The following STAU2 variants were observed in gnomAD, a reference collection of about 807,000 sequenced individuals.
STAU2 encodes the protein double-stranded RNA-binding protein Staufen homolog 2.
Under a neutral mutation model 65.9 loss-of-function variants are expected in STAU2, and 20 were observed. The ratio of observed to expected loss-of-function variants is 0.30; its 90% CI spans 0.21 to 0.44. The LOEUF is 0.44. STAU2 is among the 20% of genes least tolerant of loss of function. The pLI is 1.00. For synonymous variants in STAU2, 232 were observed against 233.9 expected, an observed-to-expected ratio of 0.99 and a Z score of 0.07; for missense variants, 558 against 683.9, an observed-to-expected ratio of 0.82 and a Z score of 2.05.
chr8:73,463,719 C>T (rs1313838586), intron 13 of STAU2, among the ~76,000 whole-genome samples: 1 of 152,174 alleles, frequency 6.6e-6, no homozygotes, highest in Non-Finnish European at 1.5e-5. Flanking sequence ...TCCTCTGTTC[C>T]TTGTTTATCT....
chr8:73,682,033 G>A (rs140853375), intron 5 of STAU2, among the ~76,000 whole-genome samples: 1,630 of 152,076 alleles, frequency 0.011, 29 homozygotes, highest in African/African-American at 0.037. Flanking sequence ...AATAGTGAGG[G>A]ACTTCAATAT....
At chr8:73,550,560 C>T (rs1027806235) in intron 13 of STAU2, 124 of 981,628 alleles carry the variant, frequency 1.3e-4, no homozygotes, top group Non-Finnish European at 1.4e-4. Flanking sequence ...CTTTTCATCA[C>T]AATTTATTTC....
In STAU2 at chr8:73,636,556, C is replaced by T. The variant is rs554362933; in HGVS notation, c.411-19105G>A. Reference sequence around the variant, plus strand: ...AAGCAGAAAACTACCCTGAAATGACCGAGATGTTAGAATTAGCAGCAAAGG... The same window carrying T: ...AAGCAGAAAACTACCCTGAAATGACTGAGATGTTAGAATTAGCAGCAAAGG... On this transcript the variant is annotated intron_variant, in intron 6 of 14. Transcript: ENST00000524300. 1.5e-3 allele frequency among the ~76,000 whole-genome samples: 235 copies of T among 151,926 alleles called. 1 individual carries two copies. Among genetic ancestry groups the T allele is most frequent in the African/African-American group, 3.8e-3 (156 of 41,444 alleles).
intron 13 of STAU2, among the ~76,000 whole-genome samples, chr8:73,429,984 C>A (rs956977480): frequency 6.6e-6 from 1 of 152,222 alleles, no homozygotes; most frequent in Non-Finnish European, 1.5e-5. Context: ...CGAGGCTTCG[C>A]TCAGCACTTC....
intron 13 of STAU2, among the ~76,000 whole-genome samples, chr8:73,522,499 T>G (rs1259497460): frequency 1.3e-5 from 2 of 152,176 alleles, no homozygotes; most frequent in African/African-American, 2.4e-5. Flanking sequence ...ACTGACAAGT[T>G]CAAAATTTCA....
intron 13 of STAU2, among the ~76,000 whole-genome samples, chr8:73,444,569 G>A (rs1818365857): frequency 6.6e-6 from 1 of 152,120 alleles, no homozygotes; most frequent in African/African-American, 2.4e-5. Context: ...TACTGCAAAT[G>A]GTACCATGAC....
intron 13 of STAU2, among the ~76,000 whole-genome samples, chr8:73,483,052 A>T (rs968161360): frequency 3.6e-4 from 7 of 19,700 alleles, no homozygotes; most frequent in African/African-American, 9.4e-4. Context: ...CCCCATACAC[A>T]TCAGTGGTCA....
intron 3 of STAU2, among the ~76,000 whole-genome samples, chr8:73,720,506 T>A (rs1480601834): frequency 1.1e-4 from 4 of 37,510 alleles, no homozygotes; most frequent in African/African-American, 4.7e-4. Context: ...TTTCTTTTTT[T>A]TTTTTTTTTT....
At position 73,660,760 on chromosome 8, in the gene STAU2, G is replaced by C. The variant is rs1816771214; in HGVS notation, c.410+12347C>G. Among the ~76,000 whole-genome samples, 4 of 152,162 alleles carry C rather than the reference G, an allele frequency of 2.6e-5. No individual in the cohort carries two copies. The South Asian group carries it at 8.3e-4, about 31-fold the overall frequency. On this transcript the variant is annotated intron_variant, in intron 6 of 14. Transcript: ENST00000524300. ...ACTCCTGATATGCGCAGTTTTCTAA[G>C]GGAGAAATGATTCTCTGGGTAACAT...
intron 13 of STAU2, among the ~76,000 whole-genome samples, chr8:73,461,187 G>A (rs1447416465): frequency 6.6e-6 from 1 of 152,130 alleles, no homozygotes; most frequent in Non-Finnish European, 1.5e-5. Flanking sequence ...CCTCAAATGA[G>A]ACAATGCACA....
At chr8:73,723,836 CTCA>C (rs1821851081) in intron 3 of STAU2, among the ~76,000 whole-genome samples, 1 of 152,190 alleles carries the variant, frequency 6.6e-6, no homozygotes, top group African/African-American at 2.4e-5. Flanking sequence ...ACGGAAGATT[CTCA>C]TAATTATGGG....
chr8:73,666,421 C>A (rs1817245844), intron 6 of STAU2, among the ~76,000 whole-genome samples: 1 of 152,168 alleles, frequency 6.6e-6, no homozygotes, highest in African/African-American at 2.4e-5. Context: ...ATAGCCATCA[C>A]TATCTGTAAA....
Position 73,581,231 on chromosome 8 carries a change from G to A in STAU2, c.1222+1539C>T, listed in dbSNP as rs536126885. Among the ~76,000 whole-genome samples the A allele has an allele frequency of 9.9e-5, 15 of 152,046 alleles. No homozygotes were observed. In the South Asian group the frequency reaches 2.3e-3, roughly 23 times the overall value. ...CAGGTTATCTATAAAGTGATTTCAC[G>A]TTAAAATTGTCAAGTTAATAACTAT... On this transcript the variant is annotated intron_variant, in intron 12 of 14. Transcript: ENST00000524300.
In STAU2 at chr8:73,422,882, C is replaced by T. The variant is rs75573391; in HGVS notation, c.1531-180G>A. ...TCAGGCAGCAGTGTATATACATAAC[C>T]GGAACTAGAAGGGCTTTAAGTCTCC... On this transcript the variant is annotated intron_variant, in intron 13 of 14. Transcript: ENST00000524300. Among the ~76,000 whole-genome samples the T allele has an allele frequency of 0.021, 3,253 of 152,220 alleles. 109 individuals are homozygous for T. The highest frequency in any genetic ancestry group is 0.074 in the African/African-American group (3,054 of 41,538).
rs973816682 is a variant in STAU2, at chr8:73,698,989, A to G, written c.114+10043T>C. On this transcript the variant is annotated intron_variant, in intron 4 of 14. Coordinates refer to ENST00000524300, the MANE Select transcript of STAU2 (RefSeq NM_001164380.2). ...AAGAAAACCTAAAATAATATCAAGCATCTTCACTGACCACAATGGAATAAA... is the reference window on the plus strand; with the variant it reads ...AAGAAAACCTAAAATAATATCAAGCGTCTTCACTGACCACAATGGAATAAA... Among the ~76,000 whole-genome samples, 7 of 152,102 alleles carry G rather than the reference A, an allele frequency of 4.6e-5. No homozygotes were observed. In the South Asian group the frequency reaches 6.2e-4, roughly 14 times the overall value.
chr8:73,720,499 CTTTTTTTTTTT>C (rs1174035145), intron 3 of STAU2, among the ~76,000 whole-genome samples: 1,300 of 39,136 alleles, frequency 0.033, 305 homozygotes, highest in African/African-American at 0.17. Context: ...AAAATACTTT[CTTTTTTTTTTT>C]TTTTTTTTTT....
chr8:73,460,012 C>T (rs1819267370), intron 13 of STAU2, among the ~76,000 whole-genome samples: 1 of 152,178 alleles, frequency 6.6e-6, no homozygotes. Flanking sequence ...GATCATTCCC[C>T]TTCTATTAGA....
intron 8 of STAU2, among the ~76,000 whole-genome samples, chr8:73,614,323 A>G (rs1217050451): frequency 6.6e-6 from 1 of 152,296 alleles, no homozygotes; most frequent in Admixed American, 6.5e-5. Context: ...TTTGTATATA[A>G]TTACATACCT....
chr8:73,708,813 A>C (rs1316075996), intron 4 of STAU2, among the ~76,000 whole-genome samples: 1 of 152,192 alleles, frequency 6.6e-6, no homozygotes, highest in Non-Finnish European at 1.5e-5. Context: ...TGGTTTTATT[A>C]AGATTTATAT....
Sources: allele counts gnomAD v4.1 joint callset (sites outside exome capture counted in the v4.1 genomes callset), GRCh38; gene constraint gnomAD v4.1.1; transcripts MANE v1.5; gene names NCBI Gene and HGNC (gene_info 2026-07-23, HGNC 2026-07-21).